CNTN4: variants seen among roughly 807,000 people sequenced by gnomAD.
CNTN4 encodes the protein contactin 4.
A neutral mutation model predicts 122.5 loss-of-function variants in CNTN4; 77 were observed. That is an observed-to-expected ratio of 0.63 (90% CI 0.52 to 0.76). The LOEUF is 0.76. Ranked by LOEUF, CNTN4 falls within the 30% of genes least tolerant of loss-of-function variation. The pLI is 0.00. For synonymous variants in CNTN4, 512 were observed against 447.0 expected (o/e 1.15, Z -1.83); for missense variants, 1,256 against 1,259.1 (o/e 1.00, Z 0.04).
chr3:2,244,502 A>G (rs2040067298), intron 2 of CNTN4, among the ~76,000 whole-genome samples: 1 of 152,104 alleles, frequency 6.6e-6, no homozygotes. Context: ...GATAAGTACA[A>G]AAAAAGGAAT....
rs149279191 is a variant in CNTN4 at position 3,044,815 on chromosome 3, G to A, written c.2811+1111G>A. ...ATAAGCTGAAGCAGGGCGAGGCATCGCCTCACCTGGGAAGGGCAAAGGGTC... is the reference window on the plus strand; with the variant it reads ...ATAAGCTGAAGCAGGGCGAGGCATCACCTCACCTGGGAAGGGCAAAGGGTC... On this transcript the variant is annotated intron_variant, in intron 23 of 24. Transcript: ENST00000418658. Among the ~76,000 whole-genome samples, 1,183 of 152,344 alleles carry A rather than the reference G, an allele frequency of 7.8e-3. 10 individuals carry two copies. Among genetic ancestry groups the A allele is most frequent in the South Asian group, 0.017 (80 of 4,826 alleles).
At chr3:2,592,445 C>T (rs1011199725) in intron 4 of CNTN4, among the ~76,000 whole-genome samples, 1 of 152,126 alleles carries the variant, frequency 6.6e-6, no homozygotes, top group Non-Finnish European at 1.5e-5. Flanking sequence ...TCTTGTAGCT[C>T]CCATAATTCC....
chr3:2,892,567 C>T (rs2094055582), intron 10 of CNTN4, among the ~76,000 whole-genome samples: 1 of 152,178 alleles, frequency 6.6e-6, no homozygotes, highest in South Asian at 2.1e-4. Flanking sequence ...GGTAATTATT[C>T]ATCTTTGCAC....
At chr3:2,675,437 G>A (rs1261098753) in intron 4 of CNTN4, among the ~76,000 whole-genome samples, 1 of 152,110 alleles carries the variant, frequency 6.6e-6, no homozygotes, top group African/African-American at 2.4e-5. Flanking sequence ...TTCTAAAATA[G>A]TTCCACCCTC....
At chr3:2,896,318 A>G (rs1205039284) in intron 10 of CNTN4, among the ~76,000 whole-genome samples, 1 of 152,100 alleles carries the variant, frequency 6.6e-6, no homozygotes, top group Admixed American at 6.5e-5. Flanking sequence ...AATATTGAGA[A>G]TTTGAATGAA....
intron 4 of CNTN4, among the ~76,000 whole-genome samples, chr3:2,667,113 G>A (rs1330281195): frequency 2.0e-5 from 3 of 152,060 alleles, no homozygotes; most frequent in Non-Finnish European, 4.4e-5. Flanking sequence ...CCTAGTAATG[G>A]GATGGCTGGG....
intron 12 of CNTN4, among the ~76,000 whole-genome samples, chr3:2,915,402 AAGT>A (rs1325344022): frequency 1.3e-5 from 2 of 152,196 alleles, no homozygotes. Flanking sequence ...ACACTCAACA[AAGT>A]AGAGAAGCAA....
chr3:2,899,211 C>T (rs1335840040), intron 10 of CNTN4, among the ~76,000 whole-genome samples: 1 of 152,156 alleles, frequency 6.6e-6, no homozygotes, highest in Non-Finnish European at 1.5e-5. Flanking sequence ...GAGTGTCTTT[C>T]TAGTTTTGTT....
At position 2,809,470 on chromosome 3, in the gene CNTN4, CGT is replaced by C. The variant is rs533830402; in HGVS notation, c.359-10015_359-10014del. On this transcript the variant is annotated intron_variant, in intron 6 of 24. Transcript: ENST00000418658. ...AAGTGGCAGGGAGCAAAGCTGGGGACGTAGGCAGGGGCTGGATCCTGAAGGGC... is the reference window on the plus strand; with the variant it reads ...AAGTGGCAGGGAGCAAAGCTGGGGACAGGCAGGGGCTGGATCCTGAAGGGC... Among the ~76,000 whole-genome samples, 609 of 152,232 alleles carry C rather than the reference CGT, an allele frequency of 4.0e-3. 1 individual carries two copies. Among genetic ancestry groups the C allele is most frequent in the African/African-American group, 0.014 (563 of 41,532 alleles).
intron 3 of CNTN4, among the ~76,000 whole-genome samples, chr3:2,430,609 A>G (rs748914161): frequency 4.3e-4 from 44 of 102,356 alleles, no homozygotes; most frequent in Non-Finnish European, 9.6e-5. Context: ...TATTGGGAGC[A>G]AATTACCAAA....
At chr3:3,023,646 G>C (rs1008842774) in intron 14 of CNTN4, among the ~76,000 whole-genome samples, 1 of 152,184 alleles carries the variant, frequency 6.6e-6, no homozygotes, top group Non-Finnish European at 1.5e-5. Flanking sequence ...TCATAAGTCT[G>C]ATGTGTAGGC....
chr3:2,626,469 C>T (rs1029666351), intron 4 of CNTN4, among the ~76,000 whole-genome samples: 4 of 148,964 alleles, frequency 2.7e-5, no homozygotes, highest in Non-Finnish European at 6.0e-5. Context: ...CGCACTCCAG[C>T]CTGGGCGACA....
intron 2 of CNTN4, among the ~76,000 whole-genome samples, chr3:2,330,773 A>C (rs1313801670): frequency 1.3e-5 from 2 of 151,822 alleles, no homozygotes; most frequent in African/African-American, 4.8e-5. Flanking sequence ...AAATAGTTAG[A>C]CTCTGGCATT....
intron 6 of CNTN4, among the ~76,000 whole-genome samples, chr3:2,778,081 G>T (rs139053202): frequency 1.4e-5 from 2 of 140,370 alleles, no homozygotes; most frequent in Non-Finnish European, 3.1e-5. Flanking sequence ...GGGCGTGGTG[G>T]CGGGCGCCTG....
At chr3:2,447,711 C>T (rs547065325) in intron 3 of CNTN4, among the ~76,000 whole-genome samples, 1 of 152,024 alleles carries the variant, frequency 6.6e-6, no homozygotes. Flanking sequence ...CTTATATGTT[C>T]ATATACTCAG....
intron 3 of CNTN4, among the ~76,000 whole-genome samples, chr3:2,558,254 C>G (rs1448596531): frequency 6.6e-6 from 1 of 152,166 alleles, no homozygotes; most frequent in Non-Finnish European, 1.5e-5. Context: ...TGGTATAACA[C>G]TGTTAACTAA....
At chr3:2,351,578 T>A (rs1381185757) in intron 3 of CNTN4, among the ~76,000 whole-genome samples, 1 of 152,196 alleles carries the variant, frequency 6.6e-6, no homozygotes, top group Non-Finnish European at 1.5e-5. Flanking sequence ...CTGAGGTAGA[T>A]ACATTCCCCG....
chr3:2,721,444 G>A (rs4558737), intron 4 of CNTN4, among the ~76,000 whole-genome samples: 15 of 152,150 alleles, frequency 9.9e-5, no homozygotes, highest in Admixed American at 2.6e-4. Context: ...AGTGTGGGTT[G>A]GGGAACTCTG....
At chr3:2,129,528 T>A (rs1328828020) in intron 2 of CNTN4, among the ~76,000 whole-genome samples, 1 of 152,050 alleles carries the variant, frequency 6.6e-6, no homozygotes, top group Non-Finnish European at 1.5e-5. Context: ...TTATAGACTT[T>A]GACTTGAACT....
Sources: allele counts gnomAD v4.1 joint callset (sites outside exome capture counted in the v4.1 genomes callset), GRCh38; gene constraint gnomAD v4.1.1; transcripts MANE v1.5; gene names NCBI Gene and HGNC (gene_info 2026-07-23, HGNC 2026-07-21).